GLIS3: variants seen among roughly 807,000 people sequenced by gnomAD.
GLIS3 encodes the protein GLIS family zinc finger 3.
GLIS3 carries 53 observed loss-of-function variants against 78.6 expected under a neutral mutation model. The observed-to-expected ratio is 0.67, with a 90% CI of 0.54 to 0.85. The LOEUF (loss-of-function observed/expected upper bound fraction) is 0.85. Among genes scored for constraint, GLIS3 ranks in the 40% least tolerant of loss-of-function variants. The pLI is 0.00. For synonymous variants in GLIS3, 684 were observed against 509.9 expected, an observed-to-expected ratio of 1.34 and a Z score of -4.60; for missense variants, 1,703 against 1,231.1, an observed-to-expected ratio of 1.38 and a Z score of -5.74.
At chr9:4,149,506 A>T (rs1834501054) in intron 2 of GLIS3, among the ~76,000 whole-genome samples, 1 of 152,188 alleles carries the variant, frequency 6.6e-6, no homozygotes, top group African/African-American at 2.4e-5. Flanking sequence ...TGGAACTCAC[A>T]CTCACGCGGA....
chr9:4,041,864 C>G (rs1224700681), intron 4 of GLIS3, among the ~76,000 whole-genome samples: 7 of 152,162 alleles, frequency 4.6e-5, no homozygotes, highest in African/African-American at 1.4e-4. Context: ...ATCTGACAGT[C>G]TTAGTGATTA....
intron 4 of GLIS3, among the ~76,000 whole-genome samples, chr9:4,024,840 G>A (rs963313744): frequency 6.6e-6 from 1 of 152,146 alleles, no homozygotes; most frequent in Admixed American, 6.5e-5. Context: ...TTAGATCTGT[G>A]ATTCTTAGAT....
chr9:3,898,899 A>G, intron 6 of GLIS3, 64 bp from the exon 7 acceptor site: 1 of 1,608,958 alleles, frequency 6.2e-7, no homozygotes, highest in East Asian at 2.2e-5. Context: ...TTTTCCTGGG[A>G]AGGCATCATG....
At chr9:3,967,870 T>G (rs1456029599) in intron 4 of GLIS3, among the ~76,000 whole-genome samples, 2 of 152,202 alleles carry the variant, frequency 1.3e-5, no homozygotes, top group African/African-American at 4.8e-5. Flanking sequence ...CACTTATTAT[T>G]TTAAGGGGGA....
chr9:4,429,613 A>T, the GLIS3 span, among the ~76,000 whole-genome samples: 93 of 152,238 alleles, frequency 6.1e-4, 1 homozygote, highest in African/African-American at 2.2e-3. Context: ...ACAATTTTAC[A>T]TCTATGTGTA....
the GLIS3 span, among the ~76,000 whole-genome samples, chr9:4,478,861 G>A: frequency 5.9e-5 from 9 of 152,226 alleles, no homozygotes; most frequent in Non-Finnish European, 1.0e-4. Context: ...TGAATTTATC[G>A]TAGTTGAATC....
the GLIS3 span, among the ~76,000 whole-genome samples, chr9:4,385,665 CAAAAAAAA>C: frequency 2.0e-3 from 150 of 75,296 alleles, 13 homozygotes; most frequent in Middle Eastern, 6.2e-3. Context: ...AACTCCATCT[CAAAAAAAA>C]AAAAAAAAAG....
At chr9:4,181,540 T>C (rs1474051775) in intron 2 of GLIS3, among the ~76,000 whole-genome samples, 3 of 152,196 alleles carry the variant, frequency 2.0e-5, no homozygotes, top group Non-Finnish European at 4.4e-5. Flanking sequence ...CTCCTTCCTA[T>C]ATTTAGAAAT....
intron 2 of GLIS3, among the ~76,000 whole-genome samples, chr9:4,168,180 C>G (rs1816041618): frequency 1.3e-5 from 2 of 150,972 alleles, no homozygotes; most frequent in Non-Finnish European, 3.0e-5. Flanking sequence ...CTCTCTCTTA[C>G]ACACACACAC....
intron 2 of GLIS3, among the ~76,000 whole-genome samples, chr9:4,280,881 G>A (rs1014075519): frequency 6.6e-6 from 1 of 152,152 alleles, no homozygotes; most frequent in South Asian, 2.1e-4. Context: ...CTAGCAGCAA[G>A]CACCTACTGC....
intron 2 of GLIS3, among the ~76,000 whole-genome samples, chr9:4,162,564 T>C (rs1390409193): frequency 1.3e-5 from 2 of 152,274 alleles, no homozygotes; most frequent in South Asian, 2.1e-4. Context: ...TTCTCATCTA[T>C]AAGATCAATC....
chr9:4,022,465 C>T (rs1389520192), intron 4 of GLIS3, among the ~76,000 whole-genome samples: 2 of 152,154 alleles, frequency 1.3e-5, no homozygotes, highest in African/African-American at 2.4e-5. Flanking sequence ...TTCTAAAATG[C>T]AAATATGTAT....
chr9:4,454,745 G>C, the GLIS3 span, among the ~76,000 whole-genome samples: 3 of 152,190 alleles, frequency 2.0e-5, no homozygotes, highest in African/African-American at 7.2e-5. Context: ...GGTCGGGACA[G>C]TTAGGTTCTC....
chr9:3,987,808 T>C (rs1391725956), intron 4 of GLIS3, among the ~76,000 whole-genome samples: 3 of 46,024 alleles, frequency 6.5e-5, no homozygotes, highest in African/African-American at 2.6e-4. Flanking sequence ...AACATAAACC[T>C]ACAGATTCAA....
chr9:4,284,083 C>T (rs955317421), intron 2 of GLIS3, among the ~76,000 whole-genome samples: 6 of 152,226 alleles, frequency 3.9e-5, no homozygotes, highest in African/African-American at 1.4e-4. Flanking sequence ...GCTTTAATTA[C>T]AGCCACTGCT....
At chr9:3,921,125 C>A (rs761693375) in intron 6 of GLIS3, among the ~76,000 whole-genome samples, 1 of 152,182 alleles carries the variant, frequency 6.6e-6, no homozygotes, top group Admixed American at 6.5e-5. Flanking sequence ...ATGCATTATT[C>A]CTTCAAGATA....
chr9:3,999,101 C>G (rs1820948573), intron 4 of GLIS3, among the ~76,000 whole-genome samples: 3 of 152,112 alleles, frequency 2.0e-5, no homozygotes, highest in African/African-American at 7.2e-5. Flanking sequence ...ACCACATCAG[C>G]TTATAGAAAT....
the GLIS3 span, among the ~76,000 whole-genome samples, chr9:4,465,095 T>C: frequency 6.6e-6 from 1 of 152,244 alleles, no homozygotes; most frequent in Admixed American, 6.5e-5. Flanking sequence ...ATTACCAGAA[T>C]CAACATTTCC....
chr9:4,274,282 C>G (rs568879257), intron 2 of GLIS3, among the ~76,000 whole-genome samples: 1 of 152,328 alleles, frequency 6.6e-6, no homozygotes, highest in African/African-American at 2.4e-5. Flanking sequence ...AAAAATGCTG[C>G]ATCCCTTGAT....
Sources: allele counts gnomAD v4.1 joint callset (sites outside exome capture counted in the v4.1 genomes callset), GRCh38; gene constraint gnomAD v4.1.1; transcripts MANE v1.5; gene names NCBI Gene and HGNC (gene_info 2026-07-23, HGNC 2026-07-21).